The following MYO5A variants were observed in gnomAD, a reference collection of about 807,000 sequenced individuals.
MYO5A encodes unconventional myosin-Va.
In MYO5A, 98 loss-of-function variants were observed where a neutral mutation model predicts 249.7. That is an observed-to-expected ratio of 0.39 (90% confidence interval 0.33 to 0.46). MYO5A has a LOEUF of 0.46. Ranked by LOEUF, MYO5A falls within the 20% of genes least tolerant of loss-of-function variation. MYO5A has a pLI of 0.98. For synonymous variants in MYO5A, 778 were observed against 810.6 expected (o/e 0.96, Z 0.68); for missense variants, 1,696 against 2,308.8 (o/e 0.73, Z 5.44).
Position 52,337,927 on chromosome 15 carries a change from T to C in MYO5A, c.4240-43A>G, listed in dbSNP as rs113363998. On this transcript the variant is annotated intron_variant, in intron 32 of 41. Transcript: ENST00000399233. Reference sequence around the variant, plus strand: ...ATGGATATTTGTTTTTGTCTGTGTGTTTGAGGGAAATGCTATCTTTCAGCA... The same window carrying C: ...ATGGATATTTGTTTTTGTCTGTGTGCTTGAGGGAAATGCTATCTTTCAGCA... 1.3e-3 allele frequency: 1,779 copies of C among 1,356,134 alleles called. 20 individuals are homozygous for C. The African/African-American group carries it at 0.023, about 17-fold the overall frequency. The allele number at this position is 1,356,134 out of a possible 1,614,324, so 84.0% of individuals were successfully genotyped here. A position where few individuals can be genotyped will look rare whatever the true frequency, so the allele number is the denominator to read the frequency against.
chr15:52,319,437 A>G (rs2038196045), intron 38 of MYO5A, 95 bp from the exon 39 acceptor site: 1 of 1,395,800 alleles, frequency 7.2e-7, no homozygotes, highest in Non-Finnish European at 1.0e-6. Context: ...CATTCAACTT[A>G]GGAAAATTAG....
At chr15:52,359,776 T>C (rs2040426035) in intron 25 of MYO5A, among the ~76,000 whole-genome samples, 192 bp downstream of exon 25, 1 of 152,186 alleles carries the variant, frequency 6.6e-6, no homozygotes, top group Non-Finnish European at 1.5e-5. Context: ...ATGCAATAGG[T>C]ATGTATGTAC....
intron 30 of MYO5A, among the ~76,000 whole-genome samples, chr15:52,343,840 G>C (rs930530287): frequency 6.6e-6 from 1 of 152,124 alleles, no homozygotes; most frequent in African/African-American, 2.4e-5. Context: ...TATTAAAAAC[G>C]TATAATTAGT....
chr15:52,334,086 T>G (rs544882949), intron 34 of MYO5A, among the ~76,000 whole-genome samples: 68 of 152,338 alleles, frequency 4.5e-4, no homozygotes, highest in African/African-American at 1.5e-3. Flanking sequence ...ACTTATGGCT[T>G]TACAGCTGTC....
At chr15:52,457,522 C>T (rs1389010735) in intron 1 of MYO5A, among the ~76,000 whole-genome samples, 1 of 151,870 alleles carries the variant, frequency 6.6e-6, no homozygotes, top group East Asian at 1.9e-4. Flanking sequence ...CTCAACACCA[C>T]TAATCATCAG....
intron 1 of MYO5A, among the ~76,000 whole-genome samples, chr15:52,472,443 G>C (rs979658394): frequency 6.6e-6 from 1 of 151,704 alleles, no homozygotes; most frequent in Non-Finnish European, 1.5e-5. Flanking sequence ...TGTGCACAAC[G>C]TGCAGGTTTG....
intron 1 of MYO5A, among the ~76,000 whole-genome samples, chr15:52,513,821 T>C (rs1172795727): frequency 6.6e-6 from 1 of 152,214 alleles, no homozygotes; most frequent in African/African-American, 2.4e-5. Context: ...AGTAGCATGT[T>C]GAGATCTCTG....
intron 1 of MYO5A, among the ~76,000 whole-genome samples, chr15:52,443,178 A>G (rs1295761504): frequency 1.3e-5 from 2 of 152,206 alleles, no homozygotes; most frequent in Non-Finnish European, 2.9e-5. Flanking sequence ...CTCATCTAAG[A>G]CAACATGTCA....
intron 1 of MYO5A, among the ~76,000 whole-genome samples, chr15:52,500,922 TATAAA>T (rs1211825847): frequency 6.6e-6 from 1 of 151,846 alleles, no homozygotes; most frequent in Non-Finnish European, 1.5e-5. Flanking sequence ...TTAAATATAT[TATAAA>T]ATATATTTAA....
intron 1 of MYO5A, among the ~76,000 whole-genome samples, chr15:52,507,351 A>G (rs556098876): frequency 6.6e-6 from 1 of 152,350 alleles, no homozygotes; most frequent in Non-Finnish European, 1.5e-5. Context: ...GATGATGGAA[A>G]CATTAAAAAG....
At chr15:52,372,492 T>A (rs117716743) in intron 20 of MYO5A, 129 bp from the exon 21 acceptor site, 17 of 1,219,322 alleles carry the variant, frequency 1.4e-5, no homozygotes, top group Admixed American at 3.9e-5. Flanking sequence ...GACAATGTAC[T>A]ATGTAGATTA....
At chr15:52,463,312 T>A (rs72738516) in intron 1 of MYO5A, among the ~76,000 whole-genome samples, 22,804 of 152,158 alleles carry the variant, frequency 0.15, 1,796 homozygotes, top group Middle Eastern at 0.22. Flanking sequence ...AATTTCATTC[T>A]GTCTGTAAAA....
chr15:52,349,107 T>C (rs569662710), intron 28 of MYO5A, among the ~76,000 whole-genome samples: 14 of 152,212 alleles, frequency 9.2e-5, no homozygotes, highest in Non-Finnish European at 1.9e-4. Flanking sequence ...TTATAAAATA[T>C]CTTTGAGTAT....
intron 14 of MYO5A, among the ~76,000 whole-genome samples, chr15:52,387,465 G>A (rs2042016116): frequency 6.6e-6 from 1 of 152,158 alleles, no homozygotes; most frequent in East Asian, 1.9e-4. Context: ...GCACAATAGA[G>A]TCTAGAACCA....
chr15:52,376,714 T>C (rs1399419743), intron 18 of MYO5A, among the ~76,000 whole-genome samples, 156 bp from the exon 19 acceptor site: 2 of 152,248 alleles, frequency 1.3e-5, no homozygotes, highest in African/African-American at 2.4e-5. Flanking sequence ...TTTTTAATCC[T>C]ATGCAAGTTG....
At chr15:52,366,246 T>C (rs1057337691) in intron 23 of MYO5A, among the ~76,000 whole-genome samples, 5 of 152,220 alleles carry the variant, frequency 3.3e-5, no homozygotes, top group Non-Finnish European at 7.3e-5. Context: ...ATGTATACTT[T>C]TTTCTCAATA....
At chr15:52,489,878 T>C (rs1187456459) in intron 1 of MYO5A, among the ~76,000 whole-genome samples, 1 of 152,258 alleles carries the variant, frequency 6.6e-6, no homozygotes, top group South Asian at 2.1e-4. Context: ...GCAACAATGA[T>C]GAACAACCTG....
intron 34 of MYO5A, among the ~76,000 whole-genome samples, chr15:52,331,315 G>C (rs528806661): frequency 1.0e-3 from 157 of 152,142 alleles, no homozygotes; most frequent in African/African-American, 3.8e-3. Flanking sequence ...AAGGGCAGCA[G>C]CTAGAGAATT....
chr15:52,452,125 C>T (rs141577342), intron 1 of MYO5A, among the ~76,000 whole-genome samples: 1 of 152,038 alleles, frequency 6.6e-6, no homozygotes, highest in East Asian at 1.9e-4. Flanking sequence ...TTTCACCACC[C>T]CCTCCCCCCA....
Sources: gnomAD v4.1 joint callset for allele counts (sites outside exome capture counted in the v4.1 genomes callset) on GRCh38, gnomAD v4.1.1 for gene constraint, MANE v1.5 for transcripts, NCBI Gene and HGNC (gene_info 2026-07-23, HGNC 2026-07-21) for gene names.